Variants in CCAR1 observed in about 807,000 individuals in gnomAD.
CCAR1 encodes the protein cell division cycle and apoptosis regulator protein 1.
A neutral mutation model predicts 163.8 loss-of-function variants in CCAR1; 78 were observed. That is an observed-to-expected ratio of 0.48 (90% CI 0.40 to 0.57). The LOEUF is 0.57. Among genes scored for constraint, CCAR1 ranks in the 20% least tolerant of loss-of-function variants. The pLI is 0.00. For synonymous variants in CCAR1, 443 were observed against 460.7 expected, an observed-to-expected ratio of 0.96 and a Z score of 0.49; for missense variants, 1,019 against 1,365.2, an observed-to-expected ratio of 0.75 and a Z score of 4.00.
intron 17 of CCAR1, among the ~76,000 whole-genome samples, chr10:68,767,484 G>A (rs1466279038): frequency 6.6e-6 from 1 of 152,116 alleles, no homozygotes; most frequent in East Asian, 1.9e-4. Context: ...GACCTCAAGT[G>A]ATCCAACTGC....
chr10:68,765,903 C>T lies in CCAR1; in HGVS notation c.2122C>T (p.Arg708Cys), dbSNP rs776655218. 6.2e-6 allele frequency: 10 copies of T among 1,611,798 alleles called. No individual in the cohort carries two copies. Among genetic ancestry groups the T allele is most frequent in the East Asian group, 2.2e-5 (1 of 44,850 alleles). The change falls in exon 17 of 25, where the codon CGT (arginine) becomes TGT (cysteine). Residue 708 changes from arginine to cysteine, a missense_variant. Transcript: ENST00000265872. ...AAATATTTAGGAAGAAGAAAGGAAA[C>T]GTCAAGAGGAAATAGAACGCCAGCG... ...EDDKEEEERK[R>C]QEEIERQRRE...
chr10:68,725,431 G>T (rs959167952), intron 2 of CCAR1, among the ~76,000 whole-genome samples: 1 of 151,686 alleles, frequency 6.6e-6, no homozygotes, highest in Non-Finnish European at 1.5e-5. Context: ...TCAACAAAAC[G>T]TCATTTTCAA....
intron 16 of CCAR1, among the ~76,000 whole-genome samples, chr10:68,762,698 CTGAT>C (rs1453207987): frequency 6.6e-6 from 1 of 152,074 alleles, no homozygotes; most frequent in East Asian, 1.9e-4. Flanking sequence ...TGCTCTAAAT[CTGAT>C]TGTGAGAAAA....
chr10:68,737,051 A>G lies in CCAR1; in HGVS notation c.246+3A>G, dbSNP rs2056120797. 1 of 1,606,940 alleles carries G rather than the reference A, an allele frequency of 6.2e-7. No homozygotes were observed. Among genetic ancestry groups the G allele is most frequent in the African/African-American group, 1.3e-5 (1 of 74,714 alleles). ...CTGCAGCAGCTGCATTACAACAGGT[A>G]AATCTTTAATATGTCTTATTATTTG... is the stretch of plus-strand genomic sequence containing the variant. On this transcript the variant is annotated splice_donor_region_variant and intron_variant, in intron 3 of 24. Coordinates refer to ENST00000265872, the MANE Select transcript of CCAR1 (RefSeq NM_018237.4).
At chr10:68,733,174 C>T (rs986447966) in intron 2 of CCAR1, among the ~76,000 whole-genome samples, 1 of 152,020 alleles carries the variant, frequency 6.6e-6, no homozygotes, top group African/African-American at 2.4e-5. Context: ...CTTTGGGAGG[C>T]CGAGGTGGAT....
At chr10:68,747,664 A>C in intron 8 of CCAR1, 98 bp downstream of exon 8, 1 of 1,137,306 alleles carries the variant, frequency 8.8e-7, no homozygotes, top group Non-Finnish European at 1.3e-6. Context: ...TTTCAAGAAA[A>C]CTTGAAGCCT....
At chr10:68,770,373 A>G (rs1391169301) in intron 17 of CCAR1, among the ~76,000 whole-genome samples, 1 of 152,204 alleles carries the variant, frequency 6.6e-6, no homozygotes. Flanking sequence ...AATGCCTAAA[A>G]CAGGCCCTGG....
chr10:68,774,067 T>C (rs2056633964), intron 19 of CCAR1, among the ~76,000 whole-genome samples: 1 of 152,002 alleles, frequency 6.6e-6, no homozygotes, highest in Non-Finnish European at 1.5e-5. Flanking sequence ...TAATTTTGTA[T>C]TTTTAGTAGA....
intron 16 of CCAR1, among the ~76,000 whole-genome samples, chr10:68,761,844 C>T (rs906827542): frequency 2.0e-5 from 3 of 151,872 alleles, no homozygotes; most frequent in East Asian, 1.9e-4. Context: ...TCAGGTGATC[C>T]GCTTACCTCA....
intron 6 of CCAR1, among the ~76,000 whole-genome samples, chr10:68,746,611 G>A (rs553960167): frequency 5.3e-5 from 8 of 151,984 alleles, no homozygotes; most frequent in African/African-American, 9.7e-5. Context: ...GTTTGAGACC[G>A]AGTCTCGTCT....
At chr10:68,752,207 C>T (rs1029062298) in intron 10 of CCAR1, among the ~76,000 whole-genome samples, 20 of 152,002 alleles carry the variant, frequency 1.3e-4, no homozygotes, top group Admixed American at 5.9e-4. Context: ...CGTGAGCCAC[C>T]GCACCCGGCC....
chr10:68,789,989 G>A, intron 24 of CCAR1, 74 bp downstream of exon 24: 5 of 901,590 alleles, frequency 5.5e-6, no homozygotes, highest in Non-Finnish European at 8.3e-6. Context: ...GTATTTTAAT[G>A]TTATTAAGCT....
At chr10:68,742,869 C>T (rs2056200384) in intron 6 of CCAR1, among the ~76,000 whole-genome samples, 1 of 152,208 alleles carries the variant, frequency 6.6e-6, no homozygotes, top group Admixed American at 6.5e-5. Context: ...CCACCCGCCT[C>T]AGCTTCCCAA....
chr10:68,781,772 G>A (rs966407380), intron 19 of CCAR1, among the ~76,000 whole-genome samples: 2 of 151,558 alleles, frequency 1.3e-5, no homozygotes, highest in Non-Finnish European at 2.9e-5. Context: ...GATCTGTTGA[G>A]CCCAAGAGGT....
chr10:68,757,514 A>G (rs2056410222), intron 15 of CCAR1, 137 bp downstream of exon 15: 2 of 487,084 alleles, frequency 4.1e-6, no homozygotes, highest in Non-Finnish European at 7.3e-6. Flanking sequence ...TCCTGGGTTC[A>G]GTAGATTCTC....
chr10:68,763,640 G>A (rs1564544264), intron 16 of CCAR1, among the ~76,000 whole-genome samples: 1 of 152,044 alleles, frequency 6.6e-6, no homozygotes, highest in South Asian at 2.1e-4. Flanking sequence ...TAGAGATGGG[G>A]TTTCGCCATG....
rs368761391 is a variant in CCAR1, at chr10:68,764,022, G to A, written c.2107-1866G>A. On this transcript the variant is annotated intron_variant, in intron 16 of 24. Coordinates refer to ENST00000265872, the MANE Select transcript of CCAR1 (RefSeq NM_018237.4). ...AGGTTGCTGCTCCCAACCCCTTTCA[G>A]TGAACAGAGATATGGAAGATAGATA... Among the ~76,000 whole-genome samples the A allele has an allele frequency of 1.1e-4, 16 of 152,230 alleles. No individual in the cohort carries two copies. The East Asian group carries it at 2.9e-3, about 28-fold the overall frequency.
Position 68,742,398 on chromosome 10 carries a change from G to C in CCAR1, c.347G>C (p.Ser116Thr). 1.2e-6 allele frequency: 2 copies of C among 1,613,504 alleles called. No individual in the cohort carries two copies. The highest frequency in any genetic ancestry group is 1.7e-6 in the Non-Finnish European group (2 of 1,179,752). Residue 116 changes from serine (S) to threonine (T), a missense_variant, in exon 6 of 25, where the codon AGC (serine) becomes ACC (threonine). This residue lies in a region of CCAR1 where 644 missense variants were observed against 904.4 expected (regional missense o/e 0.71). Coordinates refer to ENST00000265872, the MANE Select transcript of CCAR1 (RefSeq NM_018237.4). ...TAGCCAGCTGTTGCACTGCCTACAA[G>C]CCTTAGCCTGTCTACTCCTCAGCCA... ...LTQPAVALPT[S>T]LSLSTPQPTA...
chr10:68,783,210 G>T (rs1183603432), intron 19 of CCAR1, among the ~76,000 whole-genome samples: 1 of 151,344 alleles, frequency 6.6e-6, no homozygotes, highest in Non-Finnish European at 1.5e-5. Context: ...TATTTTTTGA[G>T]ACGGAGTCTT....
Sources: gnomAD v4.1 joint callset for allele counts (sites outside exome capture counted in the v4.1 genomes callset) on GRCh38, gnomAD v4.1.1 for gene constraint, gnomAD v4.1.1 regional missense constraint, MANE v1.5 for transcripts, NCBI Gene and HGNC (gene_info 2026-07-23, HGNC 2026-07-21) for gene names.